PGM5: variants seen among roughly 807,000 people sequenced by gnomAD.
PGM5 encodes phosphoglucomutase 5.
Under a neutral mutation model 59.2 loss-of-function variants are expected in PGM5, and 23 were observed. The observed-to-expected ratio is 0.39, with a 90% CI of 0.28 to 0.55. PGM5 has a LOEUF of 0.55. Ranked by LOEUF, PGM5 falls within the 20% of genes least tolerant of loss-of-function variation. PGM5 has a pLI of 0.66. For missense variants in PGM5, 574 were observed against 748.3 expected, an observed-to-expected ratio of 0.77 and a Z score of 2.72; for synonymous variants, 214 against 286.0, an observed-to-expected ratio of 0.75 and a Z score of 2.54.
intron 10 of PGM5, among the ~76,000 whole-genome samples, chr9:68,509,854 A>G (rs1226984990): frequency 7.2e-5 from 11 of 152,090 alleles, no homozygotes; most frequent in Non-Finnish European, 1.0e-4. Context: ...AGGGTCTGAG[A>G]AAGGAAGTGT....
chr9:68,473,020 A>T (rs1473771320), intron 7 of PGM5, among the ~76,000 whole-genome samples: 1 of 152,118 alleles, frequency 6.6e-6, no homozygotes, highest in South Asian at 2.1e-4. Context: ...TTTTTCAGTG[A>T]GCCTTGCTTT....
intron 6 of PGM5, among the ~76,000 whole-genome samples, chr9:68,438,364 G>A (rs1823473036): frequency 6.9e-6 from 1 of 145,880 alleles, no homozygotes. Flanking sequence ...AACATATTTT[G>A]AGACATGACT....
At chr9:68,517,397 A>G (rs561838412) in intron 10 of PGM5, among the ~76,000 whole-genome samples, 30 of 152,308 alleles carry the variant, frequency 2.0e-4, no homozygotes, top group Admixed American at 2.0e-3. Flanking sequence ...TTAAATTAGA[A>G]TGCCCCAGAT....
rs559619196 is a variant in PGM5, at chr9:68,389,955, A to G, written c.698-1579A>G. Among the ~76,000 whole-genome samples the G allele has an allele frequency of 2.6e-5, 4 of 152,162 alleles. No homozygotes were observed. The East Asian group carries it at 5.8e-4, about 22-fold the overall frequency. On this transcript the variant is annotated intron_variant, in intron 4 of 10. Transcript: ENST00000396396. ...ATTCTACTCTATCTTGTTAATCTCT[A>G]TTAGGATATTACTGATATATTTTAA...
chr9:68,378,990 A>G (rs1821996146), intron 2 of PGM5, among the ~76,000 whole-genome samples: 2 of 152,214 alleles, frequency 1.3e-5, no homozygotes, highest in Admixed American at 6.5e-5. Context: ...TATTTTGCTT[A>G]TCTTTTTTTC....
intron 6 of PGM5, among the ~76,000 whole-genome samples, chr9:68,411,815 G>T (rs183878557): frequency 3.3e-5 from 5 of 152,052 alleles, no homozygotes; most frequent in African/African-American, 9.7e-5. Flanking sequence ...CTGGGGAATC[G>T]GAACTTGTGG....
chr9:68,456,784 C>T (rs2132074180), intron 6 of PGM5, among the ~76,000 whole-genome samples: 1 of 152,134 alleles, frequency 6.6e-6, no homozygotes, highest in Middle Eastern at 3.4e-3. Context: ...ACCACCATGC[C>T]TGGCTAATTT....
At chr9:68,465,007 A>G in intron 6 of PGM5, 86 bp from the exon 7 acceptor site, 1 of 756,704 alleles carries the variant, frequency 1.3e-6, no homozygotes, top group Non-Finnish European at 2.3e-6. Context: ...TGGATTTAGT[A>G]GATCCTAAAG....
intron 7 of PGM5, chr9:68,466,183 C>A (rs972643709): frequency 1.5e-5 from 20 of 1,297,882 alleles, no homozygotes; most frequent in Non-Finnish European, 1.7e-5. Context: ...TCTATTGGAA[C>A]ATCTTTAAGT....
At chr9:68,412,470 A>G (rs1822950916) in intron 6 of PGM5, among the ~76,000 whole-genome samples, 1 of 152,210 alleles carries the variant, frequency 6.6e-6, no homozygotes, top group Non-Finnish European at 1.5e-5. Flanking sequence ...AGTGTTCCCT[A>G]CTTCCTAAAT....
At chr9:68,400,335 T>C (rs1243564283) in intron 6 of PGM5, among the ~76,000 whole-genome samples, 5 of 152,156 alleles carry the variant, frequency 3.3e-5, no homozygotes, top group African/African-American at 9.7e-5. Context: ...TATCCTGCAC[T>C]CTAAACATGT....
At chr9:68,455,696 A>G (rs978947063) in intron 6 of PGM5, among the ~76,000 whole-genome samples, 3 of 152,164 alleles carry the variant, frequency 2.0e-5, no homozygotes, top group Non-Finnish European at 4.4e-5. Flanking sequence ...CCCTGGTGGC[A>G]TTGGTGGGTT....
intron 6 of PGM5, 150 bp from the exon 7 acceptor site, chr9:68,464,943 G>T: frequency 2.0e-6 from 1 of 506,086 alleles, no homozygotes. Flanking sequence ...CTAACTTATG[G>T]CTTGATATCC....
intron 1 of PGM5, among the ~76,000 whole-genome samples, chr9:68,376,816 T>C (rs1587776575): frequency 2.9e-5 from 3 of 102,146 alleles, no homozygotes; most frequent in East Asian, 5.2e-4. Flanking sequence ...TTTCTTTCTT[T>C]CTTTCTTTCT....
At chr9:68,468,641 AT>A (rs1181046363) in intron 7 of PGM5, among the ~76,000 whole-genome samples, 1 of 152,078 alleles carries the variant, frequency 6.6e-6, no homozygotes, top group Non-Finnish European at 1.5e-5. Context: ...TTTTCTAATA[AT>A]TTCCTCTATC....
intron 6 of PGM5, among the ~76,000 whole-genome samples, chr9:68,422,098 A>G (rs1375249423): frequency 6.7e-6 from 1 of 150,306 alleles, no homozygotes; most frequent in Non-Finnish European, 1.5e-5. Context: ...TTTAAATGTA[A>G]AAAAAAAAAT....
At chr9:68,383,341 C>T (rs1356225480) in intron 2 of PGM5, among the ~76,000 whole-genome samples, 1 of 152,110 alleles carries the variant, frequency 6.6e-6, no homozygotes, top group Non-Finnish European at 1.5e-5. Context: ...TTTATTTAAA[C>T]TACTATATCT....
chr9:68,379,102 A>G (rs1822000016), intron 2 of PGM5, among the ~76,000 whole-genome samples: 1 of 152,312 alleles, frequency 6.6e-6, no homozygotes, highest in Middle Eastern at 3.4e-3. Flanking sequence ...TGACTGTGCT[A>G]ACATACCTAA....
At chr9:68,439,454 A>AAT (rs1564006010) in intron 6 of PGM5, among the ~76,000 whole-genome samples, 6 of 145,938 alleles carry the variant, frequency 4.1e-5, no homozygotes, top group South Asian at 2.1e-4. Context: ...ATATATGTAA[A>AAT]ATATATATAT....
Sources: allele counts gnomAD v4.1 joint callset (sites outside exome capture counted in the v4.1 genomes callset), GRCh38; gene constraint gnomAD v4.1.1; transcripts MANE v1.5; gene names NCBI Gene and HGNC (gene_info 2026-07-23, HGNC 2026-07-21).